Variants in ING4 observed in about 807,000 individuals in gnomAD.
ING4 encodes inhibitor of growth family member 4, also known as inhibitor of growth protein 4.
Under a neutral mutation model 33.1 loss-of-function variants are expected in ING4, and 28 were observed. The ratio of observed to expected loss-of-function variants is 0.85; its 90% CI spans 0.63 to 1.16. The LOEUF (loss-of-function observed/expected upper bound fraction) is 1.16, where lower values mean the gene tolerates loss of function less well. Among genes scored for constraint, ING4 ranks in the 50% most tolerant of loss-of-function variants. The pLI is 0.00. For synonymous variants in ING4, 87 were observed against 104.4 expected, an observed-to-expected ratio of 0.83 and a Z score of 1.02; for missense variants, 247 against 314.7, an observed-to-expected ratio of 0.78 and a Z score of 1.63.
At chr12:6,653,622 G>T (rs779451017) in intron 2 of ING4, among the ~76,000 whole-genome samples, 1 of 152,164 alleles carries the variant, frequency 6.6e-6, no homozygotes, top group East Asian at 1.9e-4. Context: ...ATCATAGTTG[G>T]AATTTAAATT....
At chr12:6,661,064 G>A (rs1209945852) in intron 1 of ING4, among the ~76,000 whole-genome samples, 1 of 151,034 alleles carries the variant, frequency 6.6e-6, no homozygotes, top group Non-Finnish European at 1.5e-5. Flanking sequence ...AATGTGCTAG[G>A]ATTATAGGCG....
chr12:6,655,424 A>G (rs1252759280), intron 2 of ING4, among the ~76,000 whole-genome samples: 1 of 152,262 alleles, frequency 6.6e-6, no homozygotes, highest in Admixed American at 6.5e-5. Flanking sequence ...GGAAGGGCTC[A>G]TAAATATGTC....
intron 4 of ING4, 33 bp downstream of exon 4, chr12:6,652,903 G>A (rs1415633128): frequency 1.0e-5 from 16 of 1,583,122 alleles, no homozygotes; most frequent in Non-Finnish European, 1.3e-5. Flanking sequence ...TTCAGTCCTC[G>A]CCCCACCTCT....
rs1344905909 is a variant in ING4 at position 6,662,888 on chromosome 12, G to C, written c.37+177C>G. On this transcript the variant is annotated intron_variant, in intron 1 of 7. Coordinates refer to ENST00000341550, the MANE Select transcript of ING4 (RefSeq NM_016162.4). ...CCTCCCTCGTCTACACCCATCAGCG[G>C]GGCCTCGATCCTGCTGCCCCGCCCC... 3.9e-5 allele frequency among the ~76,000 whole-genome samples: 6 copies of C among 152,120 alleles called. 1 individual carries two copies. Among genetic ancestry groups the C allele is most frequent in the African/African-American group, 1.4e-4 (6 of 41,490 alleles).
intron 6 of ING4, among the ~76,000 whole-genome samples, 176 bp downstream of exon 6, chr12:6,652,095 C>T (rs1393166797): frequency 1.3e-5 from 2 of 150,022 alleles, no homozygotes; most frequent in African/African-American, 2.5e-5. Flanking sequence ...CCTGACCTCA[C>T]GTGATCTGCC....
chr12:6,654,907 T>C (rs375077387), intron 2 of ING4, among the ~76,000 whole-genome samples: 2 of 152,026 alleles, frequency 1.3e-5, no homozygotes, highest in African/African-American at 2.4e-5. Context: ...GCATTTTTAG[T>C]AGAGATGTGG....
At chr12:6,662,742 G>C (rs1565408514) in intron 1 of ING4, among the ~76,000 whole-genome samples, 1 of 152,072 alleles carries the variant, frequency 6.6e-6, no homozygotes, top group East Asian at 1.9e-4. Flanking sequence ...TAACGATTCT[G>C]AACGACTATG....
rs186742663 is a variant in ING4 at position 6,652,669 on chromosome 12, C to T, written c.490G>A (p.Val164Met). The T allele has an allele frequency of 1.1e-4, 183 of 1,613,748 alleles. No homozygotes were observed. Among genetic ancestry groups the T allele is most frequent in the Non-Finnish European group, 1.4e-4 (167 of 1,179,892 alleles). The change falls in exon 5 of 8, where the codon GTG (valine) becomes ATG (methionine). Residue 164 changes from valine to methionine, a missense_variant. By Grantham distance (21) the Val-to-Met change is conservative (BLOSUM62 1). Coordinates refer to ENST00000341550, the MANE Select transcript of ING4 (RefSeq NM_016162.4). ...GCTCCCTGAATCACTCACGTGCGCA[C>T]GAGCTTTAACTTCTTCTGGGCAGTC... is the stretch of plus-strand genomic sequence containing the variant. The part of the protein sequence containing the change: ...PKTAQKKLKL[V>M]RTSPEYGMPS...
chr12:6,655,623 C>A lies in ING4; in HGVS notation c.109+1104G>T. ...AGTTACAACTGTATTACAAAAAAAG[C>A]AATCTGGTTCTCACCATTCGGCAGG... On this transcript the variant is annotated intron_variant, in intron 2 of 7. Coordinates refer to ENST00000341550, the MANE Select transcript of ING4 (RefSeq NM_016162.4). The A allele has an allele frequency of 4.4e-6, 5 of 1,123,970 alleles. No individual in the cohort carries two copies. In the South Asian group the frequency reaches 7.9e-5, roughly 18 times the overall value. 69.6% of individuals were successfully genotyped at this position (1,123,970 alleles called of 1,614,324 possible).
rs1949172202 is a variant in ING4 at position 6,651,334 on chromosome 12, G to T, written c.697C>A (p.Arg233=). ...FACVGLTTKP[R]GKWFCPRCSQ... ...ACTCCTGCCACTTACCATTTCCCCC[G>T]AGGCTTGGTTGTCAGCCCCACACAG... is the stretch of plus-strand genomic sequence containing the variant. Residue 233 remains arginine (R), a synonymous_variant, in exon 7 of 8, where the codon CGG becomes AGG. Transcript: ENST00000341550. 1 of 1,613,984 alleles carries T rather than the reference G, an allele frequency of 6.2e-7. No individual in the cohort carries two copies. The highest frequency in any genetic ancestry group is 8.5e-7 in the Non-Finnish European group (1 of 1,179,994).
At position 6,652,647 on chromosome 12, in the gene ING4, C is replaced by G. The variant is rs1377340447; in HGVS notation, c.497+15G>C. 6.2e-7 allele frequency: 1 copy of G among 1,609,594 alleles called. No homozygotes were observed. Among genetic ancestry groups the G allele is most frequent in the African/African-American group, 1.3e-5 (1 of 74,762 alleles). On this transcript the variant is annotated intron_variant, in intron 5 of 7. Transcript: ENST00000341550. ...AGAGGATGTCATCCGGCAAAGGGCT[C>G]CCTGAATCACTCACGTGCGCACGAG...
At chr12:6,653,165 A>C in intron 3 of ING4, 65 bp downstream of exon 3, 1 of 1,600,774 alleles carries the variant, frequency 6.2e-7, no homozygotes, top group Non-Finnish European at 8.6e-7. Context: ...ACACAGTTGA[A>C]GGAGGGGTCT....
chr12:6,653,126 T>C (rs1949238356), intron 3 of ING4, 76 bp from the exon 4 acceptor site: 3 of 1,593,520 alleles, frequency 1.9e-6, no homozygotes, highest in Admixed American at 1.7e-5. Flanking sequence ...GCAGAGTTTA[T>C]GGATCTCACA....
Position 6,656,228 on chromosome 12 carries a change from A to G in ING4, c.109+499T>C, listed in dbSNP as rs536070643. Among the ~76,000 whole-genome samples the G allele has an allele frequency of 4.7e-5, 7 of 148,820 alleles. No individual in the cohort carries two copies. In the South Asian group the frequency reaches 1.5e-3, roughly 31 times the overall value. ...CTGTTGCCTAGGCTGGAGTGCAGTG[A>G]CATGTGGCATGATTTGGGCTCACTA... On this transcript the variant is annotated intron_variant, in intron 2 of 7. Coordinates refer to ENST00000341550, the MANE Select transcript of ING4 (RefSeq NM_016162.4).
chr12:6,662,415 C>A (rs971487980), intron 1 of ING4, among the ~76,000 whole-genome samples: 3 of 152,018 alleles, frequency 2.0e-5, no homozygotes, highest in Non-Finnish European at 2.9e-5. Flanking sequence ...ATTTTTCTAT[C>A]CCTAGTGCCT....
intron 1 of ING4, among the ~76,000 whole-genome samples, chr12:6,661,406 G>GTTTTTTTTTT (rs1174675715): frequency 2.5e-5 from 3 of 118,590 alleles, no homozygotes; most frequent in African/African-American, 1.1e-4. Flanking sequence ...ACCAGCCTTT[G>GTTTTTTTTTT]TTTTTTTTTT....
At chr12:6,662,302 T>C (rs1163623744) in intron 1 of ING4, among the ~76,000 whole-genome samples, 1 of 152,182 alleles carries the variant, frequency 6.6e-6, no homozygotes, top group Admixed American at 6.5e-5. Context: ...TCCTTTTTAA[T>C]GTATTTCCAT....
chr12:6,661,870 G>C (rs1003520645), intron 1 of ING4, among the ~76,000 whole-genome samples: 1 of 152,020 alleles, frequency 6.6e-6, no homozygotes, highest in African/African-American at 2.4e-5. Context: ...CTCTGTCCTG[G>C]AATGTTATCA....
Position 6,651,082 on chromosome 12 carries a change from C to T in ING4, c.*113G>A. 8.7e-7 allele frequency: 1 copy of T among 1,154,690 alleles called. No homozygotes were observed. The allele number at this position is 1,154,690 out of a possible 1,614,324, so 71.5% of individuals were successfully genotyped here. On this transcript the variant is annotated 3_prime_UTR_variant, in exon 8 of 8. Transcript: ENST00000341550. ...GAGAGGGGAGGAGAAGGGATGACAG[C>T]ACTGTGCCATCCACTCCTCCCTGAA...
Sources: gnomAD v4.1 joint callset for allele counts (sites outside exome capture counted in the v4.1 genomes callset) on GRCh38, gnomAD v4.1.1 for gene constraint, MANE v1.5 for transcripts, NCBI Gene and HGNC (gene_info 2026-07-23, HGNC 2026-07-21) for gene names.